Variants in WAPL observed in about 807,000 individuals in gnomAD.
WAPL encodes the protein WAPL cohesin release factor.
A neutral mutation model predicts 121.0 loss-of-function variants in WAPL; 5 were observed. The observed-to-expected ratio is 0.04, with a 90% CI of 0.02 to 0.09. The LOEUF is 0.09. WAPL is among the 10% of genes least tolerant of loss of function. WAPL has a pLI of 1.00. For synonymous variants in WAPL, 480 were observed against 481.5 expected (o/e 1.00, Z 0.04); for missense variants, 999 against 1,410.8 (o/e 0.71, Z 4.68).
chr10:86,514,005 T>G (rs1842513116), intron 2 of WAPL, among the ~76,000 whole-genome samples: 2 of 152,188 alleles, frequency 1.3e-5, no homozygotes, highest in African/African-American at 4.8e-5. Flanking sequence ...GTTCAAAACT[T>G]TATCATTCTC....
intron 9 of WAPL, among the ~76,000 whole-genome samples, chr10:86,462,775 G>A (rs1258227605): frequency 1.4e-5 from 2 of 138,786 alleles, no homozygotes; most frequent in African/African-American, 2.7e-5. Context: ...TATAGAACTA[G>A]AATCCAATAC....
intron 15 of WAPL, among the ~76,000 whole-genome samples, chr10:86,447,754 A>ACC (rs1216895267): frequency 6.6e-6 from 1 of 152,180 alleles, no homozygotes; most frequent in African/African-American, 2.4e-5. Context: ...ACATACTTTG[A>ACC]AAAGTATGGC....
chr10:86,472,093 T>C lies in WAPL; in HGVS notation c.2030+115A>G, dbSNP rs564640068. 9.9e-5 allele frequency: 93 copies of C among 934,682 alleles called. No homozygotes were observed. Among genetic ancestry groups the C allele is most frequent in the Non-Finnish European group, 1.3e-4 (86 of 653,830 alleles). 57.9% of individuals were successfully genotyped at this position (934,682 alleles called of 1,614,324 possible). ...TAGCATTTTAACATATCACTGGCTA[T>C]ACATACTACCCCATCATAACAAAAT... On this transcript the variant is annotated intron_variant, in intron 7 of 18. Transcript: ENST00000298767. This position sits in a 1 kb window ranked among gnomAD's most constrained non-coding sequence, Gnocchi z 4.2.
At position 86,472,131 on chromosome 10, in the gene WAPL, G is replaced by A; in HGVS notation, c.2030+77C>T. ...ATCATAACAAAATAAAAAATGTTTG[G>A]CTTTTTGGACAACACCTAGTTGAAA... On this transcript the variant is annotated intron_variant, in intron 7 of 18. Coordinates refer to ENST00000298767, the MANE Select transcript of WAPL (RefSeq NM_015045.5). This position sits in a 1 kb window ranked among gnomAD's most constrained non-coding sequence, Gnocchi z 4.2. 7.2e-7 allele frequency: 1 copy of A among 1,396,538 alleles called. No individual in the cohort carries two copies. Among genetic ancestry groups the A allele is most frequent in the Non-Finnish European group, 9.5e-7 (1 of 1,051,264 alleles). 86.5% of individuals were successfully genotyped at this position (1,396,538 alleles called of 1,614,324 possible). A position where few individuals can be genotyped will look rare whatever the true frequency, so the allele number is the denominator to read the frequency against.
chr10:86,465,930 ATTTTTTCT>A (rs1210532888), intron 9 of WAPL, among the ~76,000 whole-genome samples: 3 of 152,048 alleles, frequency 2.0e-5, no homozygotes, highest in South Asian at 2.1e-4. Context: ...ATAAACACTT[ATTTTTTCT>A]TTTTTTCTTT....
Position 86,460,400 on chromosome 10 carries a change from C to T in WAPL, c.2579G>A (p.Ser860Asn). The change falls in exon 11 of 19, where the codon AGT becomes AAT. Residue 860 changes from serine (S) to asparagine (N), a missense_variant and splice_region_variant. Ser to Asn is a conservative substitution (Grantham distance 46). This residue lies in a region of WAPL where 118 missense variants were observed against 318.3 expected (regional missense o/e 0.37). Coordinates refer to ENST00000298767, the MANE Select transcript of WAPL (RefSeq NM_015045.5). Reference sequence around the variant, plus strand: ...TGCCAAATAGTCATCCATACTTACACTTTCTAAAACTCGTAAACATCTCTC... The same window carrying T: ...TGCCAAATAGTCATCCATACTTACATTTTCTAAAACTCGTAAACATCTCTC... ...GAERCLRVLE[S>N]VTVHNPENQS... The T allele has an allele frequency of 6.2e-7, 1 of 1,613,436 alleles. No homozygotes were observed. Among genetic ancestry groups the T allele is most frequent in the Non-Finnish European group, 8.5e-7 (1 of 1,179,832 alleles).
At position 86,472,200 on chromosome 10, in the gene WAPL, G is replaced by C; in HGVS notation, c.2030+8C>G. 1 of 1,549,818 alleles carries C rather than the reference G, an allele frequency of 6.5e-7. No individual in the cohort carries two copies. The highest frequency in any genetic ancestry group is 8.7e-7 in the Non-Finnish European group (1 of 1,155,006). On this transcript the variant is annotated splice_region_variant and intron_variant, in intron 7 of 18. Coordinates refer to ENST00000298767, the MANE Select transcript of WAPL (RefSeq NM_015045.5). This position sits in a 1 kb window ranked among gnomAD's most constrained non-coding sequence, Gnocchi z 4.2. ...ACATAATTGTAAAATATAAAAATAA[G>C]ATCTTACCTAAGGCAACGTGTGTTT...
At chr10:86,461,699 G>A (rs1037135192) in intron 9 of WAPL, among the ~76,000 whole-genome samples, 5 of 152,170 alleles carry the variant, frequency 3.3e-5, no homozygotes, top group African/African-American at 1.2e-4. Flanking sequence ...ATCTTCAAAA[G>A]TACAAGTTAT....
intron 1 of WAPL, 29 bp downstream of exon 1, chr10:86,521,336 C>G: frequency 3.8e-6 from 1 of 266,556 alleles, no homozygotes; most frequent in Non-Finnish European, 7.4e-6. Flanking sequence ...TCCCTCCCGG[C>G]CTAGGCGGCC....
At chr10:86,447,640 A>T (rs1463642901) in intron 15 of WAPL, among the ~76,000 whole-genome samples, 2 of 152,194 alleles carry the variant, frequency 1.3e-5, no homozygotes, top group East Asian at 3.8e-4. Context: ...GGGCACAGGA[A>T]GTATGTGTTT....
intron 2 of WAPL, among the ~76,000 whole-genome samples, chr10:86,508,184 A>G (rs540186220): frequency 1.3e-5 from 2 of 152,236 alleles, no homozygotes; most frequent in African/African-American, 4.8e-5. Flanking sequence ...TTTAAGTAAC[A>G]TCTATCTGAA....
intron 4 of WAPL, among the ~76,000 whole-genome samples, chr10:86,483,378 C>T (rs1841839488): frequency 6.6e-6 from 1 of 151,760 alleles, no homozygotes; most frequent in Admixed American, 6.6e-5. Context: ...TGAGATCCCA[C>T]CACTGCACTC....
chr10:86,456,827 A>G (rs1014380495), intron 12 of WAPL, among the ~76,000 whole-genome samples: 1 of 152,200 alleles, frequency 6.6e-6, no homozygotes, highest in Non-Finnish European at 1.5e-5. Flanking sequence ...GAGGTTCAGC[A>G]TATGTTATTT....
chr10:86,495,750 T>C (rs970237210), intron 4 of WAPL, among the ~76,000 whole-genome samples: 4 of 152,112 alleles, frequency 2.6e-5, no homozygotes, highest in African/African-American at 9.7e-5. Flanking sequence ...CAGAAAATAT[T>C]TGTAAACCAT....
intron 2 of WAPL, among the ~76,000 whole-genome samples, chr10:86,503,722 C>T (rs1428594937): frequency 3.3e-5 from 5 of 149,554 alleles, no homozygotes; most frequent in African/African-American, 1.2e-4. Flanking sequence ...CACTGCACCA[C>T]GGCCTGGGTG....
At chr10:86,499,368 A>G (rs1184600517) in intron 3 of WAPL, among the ~76,000 whole-genome samples, 1 of 152,198 alleles carries the variant, frequency 6.6e-6, no homozygotes, top group African/African-American at 2.4e-5. Context: ...ACACATTTAA[A>G]GTAGCCCCCC....
intron 2 of WAPL, among the ~76,000 whole-genome samples, chr10:86,507,598 T>C (rs1304017459): frequency 6.6e-6 from 1 of 152,114 alleles, no homozygotes; most frequent in Non-Finnish European, 1.5e-5. Context: ...TCTTTAACCT[T>C]ATCTCATCAT....
intron 4 of WAPL, among the ~76,000 whole-genome samples, chr10:86,487,590 TA>T (rs1274923085): frequency 6.6e-6 from 1 of 152,098 alleles, no homozygotes; most frequent in Non-Finnish European, 1.5e-5. Context: ...CACGTATGCT[TA>T]AGAGTTCATG....
At chr10:86,468,934 C>T (rs1213227348) in intron 8 of WAPL, among the ~76,000 whole-genome samples, 1 of 151,964 alleles carries the variant, frequency 6.6e-6, no homozygotes, top group Non-Finnish European at 1.5e-5. Flanking sequence ...AACCCTGTCT[C>T]TACTAAAAAT....
Sources: allele counts gnomAD v4.1 joint callset (sites outside exome capture counted in the v4.1 genomes callset), GRCh38; gene constraint gnomAD v4.1.1; regional missense constraint gnomAD v4.1.1; non-coding constraint Gnocchi (gnomAD v3.1); transcripts MANE v1.5; gene names NCBI Gene and HGNC (gene_info 2026-07-23, HGNC 2026-07-21).